MYRIP: variants seen among roughly 807,000 people sequenced by gnomAD.
MYRIP encodes the protein myosin VIIA and Rab interacting protein.
Under a neutral mutation model 98.0 loss-of-function variants are expected in MYRIP, and 49 were observed. The observed-to-expected ratio is 0.50, with a 90% confidence interval of 0.40 to 0.63. MYRIP has a LOEUF of 0.63. MYRIP is among the 30% of genes least tolerant of loss of function. The pLI, the probability that MYRIP is intolerant of heterozygous loss-of-function variation, is 0.00. For missense variants in MYRIP, 1,004 were observed against 1,058.2 expected (o/e 0.95, Z 0.71); for synonymous variants, 404 against 409.5 (o/e 0.99, Z 0.16).
At position 40,138,629 on chromosome 3, in the gene MYRIP, A is replaced by G. The variant is rs985446080; in HGVS notation, c.333-12419A>G. 4.6e-5 allele frequency among the ~76,000 whole-genome samples: 7 copies of G among 152,204 alleles called. No individual in the cohort carries two copies. In the South Asian group the frequency reaches 8.3e-4, roughly 18 times the overall value. Reference sequence around the variant, plus strand: ...TACTTAATGTTTCCCCTTAGTTAATAGAAGTTATAAAGTTCCATGCCTTTT... The same window carrying G: ...TACTTAATGTTTCCCCTTAGTTAATGGAAGTTATAAAGTTCCATGCCTTTT... On this transcript the variant is annotated intron_variant, in intron 3 of 16. Coordinates refer to ENST00000302541, the MANE Select transcript of MYRIP (RefSeq NM_015460.4).
chr3:40,006,370 C>A (rs1946633478), intron 2 of MYRIP, among the ~76,000 whole-genome samples: 1 of 152,050 alleles, frequency 6.6e-6, no homozygotes, highest in Middle Eastern at 3.2e-3. Context: ...GCCTGGGTGA[C>A]AGAGCAAGAC....
chr3:40,212,203 TACGTGTGTGTATATATATATATAC>T (rs1951967877), intron 11 of MYRIP, among the ~76,000 whole-genome samples: 5 of 56,734 alleles, frequency 8.8e-5, no homozygotes, highest in Admixed American at 2.4e-4. Flanking sequence ...TACATATATA[TACGTGTGTGTATATATATATATAC>T]ACACACACAC....
intron 3 of MYRIP, among the ~76,000 whole-genome samples, chr3:40,124,491 T>C (rs1575556773): frequency 6.6e-6 from 1 of 152,188 alleles, no homozygotes; most frequent in Non-Finnish European, 1.5e-5. Flanking sequence ...GGTGGTTACA[T>C]GGAGGGAGGG....
At chr3:39,941,753 C>T (rs1028532457) in intron 2 of MYRIP, among the ~76,000 whole-genome samples, 4 of 151,906 alleles carry the variant, frequency 2.6e-5, no homozygotes, top group East Asian at 1.9e-4. Context: ...GCTGGATATT[C>T]GGGTTATGAT....
In MYRIP at chr3:40,070,630, ATTG is replaced by A. The variant is rs200755318; in HGVS notation, c.332+26361_332+26363del. On this transcript the variant is annotated intron_variant, in intron 3 of 16. Transcript: ENST00000302541. ...AGATTCTCATAGGAGCACAAACCCT[ATTG>A]TGAATTGTGTGTGCGAGGGATCTAG... Among the ~76,000 whole-genome samples, 385 of 152,186 alleles carry A rather than the reference ATTG, an allele frequency of 2.5e-3. 2 individuals are homozygous for A. The East Asian group carries it at 0.028, about 11-fold the overall frequency.
rs78627210 is a variant in MYRIP, at chr3:39,988,331, T to C, written c.111-55719T>C. 4.3e-4 allele frequency among the ~76,000 whole-genome samples: 65 copies of C among 152,164 alleles called. No individual in the cohort carries two copies. The East Asian group carries it at 0.012, about 29-fold the overall frequency. ...ATAATGATAAAAAAAAAAAGATTGTTGAATATTGGCCCCCACTCTCTTCTG... is the reference window on the plus strand; with the variant it reads ...ATAATGATAAAAAAAAAAAGATTGTCGAATATTGGCCCCCACTCTCTTCTG... On this transcript the variant is annotated intron_variant, in intron 2 of 16. Coordinates refer to ENST00000302541, the MANE Select transcript of MYRIP (RefSeq NM_015460.4).
intron 2 of MYRIP, among the ~76,000 whole-genome samples, chr3:39,983,879 A>G (rs1195835838): frequency 2.0e-5 from 3 of 152,082 alleles, no homozygotes; most frequent in Admixed American, 2.0e-4. Flanking sequence ...AGGAAATAAT[A>G]CCCCCTGTTA....
intron 2 of MYRIP, among the ~76,000 whole-genome samples, chr3:40,022,217 C>A (rs978583569): frequency 6.6e-6 from 1 of 152,162 alleles, no homozygotes; most frequent in African/African-American, 2.4e-5. Context: ...GTACTAGGGA[C>A]GAAGGTGGCC....
intron 2 of MYRIP, among the ~76,000 whole-genome samples, chr3:39,980,201 G>A (rs1286772590): frequency 6.6e-6 from 1 of 152,214 alleles, no homozygotes; most frequent in Non-Finnish European, 1.5e-5. Flanking sequence ...GGGGAAGGGT[G>A]TGGTCTCAGA....
intron 2 of MYRIP, among the ~76,000 whole-genome samples, chr3:39,974,831 CT>C (rs541774539): frequency 8.0e-4 from 122 of 152,120 alleles, no homozygotes; most frequent in Non-Finnish European, 1.5e-3. Context: ...CAGAAAAGGC[CT>C]TCGAAAAAAT....
At chr3:39,817,508 T>C (rs1428617859) in intron 1 of MYRIP, among the ~76,000 whole-genome samples, 2 of 152,226 alleles carry the variant, frequency 1.3e-5, no homozygotes, top group Admixed American at 6.5e-5. Flanking sequence ...TTTAAAATCT[T>C]CTCATGGGCA....
intron 3 of MYRIP, among the ~76,000 whole-genome samples, chr3:40,095,345 A>G (rs1418222216): frequency 6.6e-6 from 1 of 152,120 alleles, no homozygotes; most frequent in Admixed American, 6.5e-5. Flanking sequence ...GTCCGCTTCT[A>G]GCTTCTGCCT....
intron 2 of MYRIP, among the ~76,000 whole-genome samples, chr3:40,034,822 C>G (rs993503749): frequency 4.6e-5 from 7 of 151,664 alleles, no homozygotes; most frequent in Non-Finnish European, 5.9e-5. Context: ...TGGAACCAAC[C>G]CAAATGTCCA....
At chr3:39,819,077 G>A (rs968768665) in intron 1 of MYRIP, among the ~76,000 whole-genome samples, 5 of 152,122 alleles carry the variant, frequency 3.3e-5, no homozygotes, top group East Asian at 1.9e-4. Flanking sequence ...AGTGGGGCGC[G>A]GTGGCTGATG....
chr3:40,044,871 G>A (rs1947635692), intron 3 of MYRIP, among the ~76,000 whole-genome samples: 1 of 152,146 alleles, frequency 6.6e-6, no homozygotes, highest in South Asian at 2.1e-4. Context: ...GGGAGATGAA[G>A]ACAACTTTGC....
intron 3 of MYRIP, among the ~76,000 whole-genome samples, chr3:40,138,332 T>G (rs75206419): frequency 0.018 from 2,733 of 152,280 alleles, 86 homozygotes; most frequent in African/African-American, 0.059. Context: ...TGTCTAATTC[T>G]TCCTCTAGCC....
chr3:40,023,054 C>T (rs149648462), intron 2 of MYRIP, among the ~76,000 whole-genome samples: 3 of 152,090 alleles, frequency 2.0e-5, no homozygotes, highest in South Asian at 2.1e-4. Flanking sequence ...TTACACTCCT[C>T]GATGGGGGAA....
intron 11 of MYRIP, chr3:40,232,944 C>T (rs1357988782): frequency 6.6e-6 from 1 of 152,150 alleles, no homozygotes; most frequent in Non-Finnish European, 1.5e-5. Flanking sequence ...GTGATGACTC[C>T]CAGTGGTTCA....
At chr3:40,125,104 A>G (rs1283851647) in intron 3 of MYRIP, among the ~76,000 whole-genome samples, 2 of 152,240 alleles carry the variant, frequency 1.3e-5, no homozygotes, top group African/African-American at 4.8e-5. Flanking sequence ...CCTGACACTC[A>G]TACCCATGGT....
Sources: gnomAD v4.1 joint callset for allele counts (sites outside exome capture counted in the v4.1 genomes callset) on GRCh38, gnomAD v4.1.1 for gene constraint, MANE v1.5 for transcripts, NCBI Gene and HGNC (gene_info 2026-07-23, HGNC 2026-07-21) for gene names.